Variants in GNAO1 observed in about 807,000 individuals in gnomAD.
The protein encoded by GNAO1 is G protein subunit alpha o1, also known as guanine nucleotide-binding protein G(o) subunit alpha.
For synonymous variants in GNAO1, 164 were observed against 180.7 expected (o/e 0.91, Z 0.74); for missense variants, 166 against 478.7 (o/e 0.35, Z 6.10).
chr16:56,238,833 G>A (rs1002933107), intron 2 of GNAO1, among the ~76,000 whole-genome samples: 3 of 152,208 alleles, frequency 2.0e-5, no homozygotes, highest in Admixed American at 6.5e-5. Flanking sequence ...TACTCAGAGC[G>A]AATCATAATT....
intron 3 of GNAO1, chr16:56,301,624 T>A (rs1194261157): frequency 6.6e-6 from 1 of 152,084 alleles, no homozygotes; most frequent in Non-Finnish European, 1.5e-5. Context: ...TTCAGTTGCA[T>A]TTTTTTTGTT....
intron 2 of GNAO1, among the ~76,000 whole-genome samples, chr16:56,236,398 T>G (rs1218677630): frequency 6.6e-6 from 1 of 152,128 alleles, no homozygotes. Flanking sequence ...ATCCATAGAA[T>G]TGACCCTGGG....
At chr16:56,278,457 G>A (rs1419577373) in intron 3 of GNAO1, among the ~76,000 whole-genome samples, 1 of 152,224 alleles carries the variant, frequency 6.6e-6, no homozygotes, top group Non-Finnish European at 1.5e-5. Context: ...GTTCCCGGGA[G>A]TGGGCTGGTG....
rs138502679 is a variant in GNAO1, at chr16:56,266,853, G to GTA, written c.162-9068_162-9067dup. 4.5e-3 allele frequency among the ~76,000 whole-genome samples: 678 copies of GTA among 152,158 alleles called. 1 individual carries two copies. Among genetic ancestry groups the GTA allele is most frequent in the African/African-American group, 0.015 (638 of 41,506 alleles). On this transcript the variant is annotated intron_variant, in intron 2 of 8. Coordinates refer to ENST00000262493, the MANE Select transcript of GNAO1 (RefSeq NM_020988.3). ...GTGCCCCACTCTTAACACGTGCTCA[G>GTA]TATATATATATTCATGGAGGGAATG...
intron 6 of GNAO1, chr16:56,346,353 G>T: frequency 1.0e-6 from 1 of 985,406 alleles, no homozygotes; most frequent in Non-Finnish European, 1.2e-6. Flanking sequence ...GTGGTCCTGC[G>T]TGTGCCCTGA....
chr16:56,324,986 G>C lies in GNAO1; in HGVS notation c.304-3645G>C, dbSNP rs79561681. Among the ~76,000 whole-genome samples, 1,427 of 152,300 alleles carry C rather than the reference G, an allele frequency of 9.4e-3. 20 individuals carry two copies. Among genetic ancestry groups the C allele is most frequent in the African/African-American group, 0.031 (1,299 of 41,562 alleles). On this transcript the variant is annotated intron_variant, in intron 3 of 8. Transcript: ENST00000262493. ...CACACTTCTTTTGTACAGACCTTTC[G>C]TTGGCGACAAAACTTCCAGATGCTG...
At chr16:56,241,126 A>G (rs2036690149) in intron 2 of GNAO1, among the ~76,000 whole-genome samples, 1 of 152,216 alleles carries the variant, frequency 6.6e-6, no homozygotes, top group African/African-American at 2.4e-5. Context: ...CGGAGCATGC[A>G]GTTCTTTGCC....
chr16:56,352,848 C>G (rs1291429188), intron 7 of GNAO1: 2 of 152,320 alleles, frequency 1.3e-5, no homozygotes, highest in Admixed American at 1.3e-4. Context: ...CAGCAAAGTC[C>G]CAATAGGGCA....
At chr16:56,314,233 TG>T (rs1480279259) in intron 3 of GNAO1, among the ~76,000 whole-genome samples, 1 of 152,222 alleles carries the variant, frequency 6.6e-6, no homozygotes, top group Admixed American at 6.5e-5. Context: ...CATTTTCACT[TG>T]AAAGCCAGAA....
intron 8 of GNAO1, 147 bp downstream of exon 8, chr16:56,355,228 C>T (rs1596883787): frequency 1.6e-5 from 3 of 187,076 alleles, no homozygotes; most frequent in Non-Finnish European, 3.0e-5. Flanking sequence ...TATATATATA[C>T]AAATATATAT....
chr16:56,205,561 T>A (rs1162032989), intron 2 of GNAO1, among the ~76,000 whole-genome samples: 1 of 152,220 alleles, frequency 6.6e-6, no homozygotes, highest in Non-Finnish European at 1.5e-5. Context: ...CTACTCTTAA[T>A]TCCCCATGTG....
intron 2 of GNAO1, among the ~76,000 whole-genome samples, chr16:56,257,283 CACTCCAG>C (rs1358502454): frequency 1.3e-5 from 2 of 152,204 alleles, no homozygotes; most frequent in African/African-American, 4.8e-5. Context: ...AGCCCTGGGG[CACTCCAG>C]TGTTTAGATA....
chr16:56,342,800 G>A (rs574451922), intron 6 of GNAO1, among the ~76,000 whole-genome samples: 1 of 152,318 alleles, frequency 6.6e-6, no homozygotes, highest in Admixed American at 6.5e-5. Flanking sequence ...CCCATGATAA[G>A]ATATAACATT....
chr16:56,201,688 A>G (rs1303850722), intron 2 of GNAO1, among the ~76,000 whole-genome samples: 4 of 152,212 alleles, frequency 2.6e-5, no homozygotes, highest in Non-Finnish European at 4.4e-5. Context: ...CAGTGGAATA[A>G]TTGAACTTAT....
At chr16:56,273,079 C>T (rs2037032651) in intron 2 of GNAO1, among the ~76,000 whole-genome samples, 1 of 152,190 alleles carries the variant, frequency 6.6e-6, no homozygotes, top group African/African-American at 2.4e-5. Context: ...ACTTTACTTT[C>T]AAATAATATT....
intron 2 of GNAO1, among the ~76,000 whole-genome samples, chr16:56,195,089 TTTTTC>T (rs1276956908): frequency 0.012 from 1,194 of 100,876 alleles, 19 homozygotes; most frequent in African/African-American, 0.043. Flanking sequence ...TTTTTTTTTT[TTTTTC>T]CAACCTTACA....
At chr16:56,344,327 G>T (rs1322774692) in intron 6 of GNAO1, 1 of 1,093,502 alleles carries the variant, frequency 9.1e-7, no homozygotes, top group Admixed American at 4.4e-5. Flanking sequence ...GTGCAGGGGC[G>T]CAGATGGCCC....
At chr16:56,277,528 A>C (rs1181038865) in intron 3 of GNAO1, among the ~76,000 whole-genome samples, 1 of 152,164 alleles carries the variant, frequency 6.6e-6, no homozygotes, top group African/African-American at 2.4e-5. Flanking sequence ...CTTAATAACA[A>C]TAGTAGGAAT....
At chr16:56,318,798 T>C (rs1390787398) in intron 3 of GNAO1, among the ~76,000 whole-genome samples, 3 of 152,258 alleles carry the variant, frequency 2.0e-5, no homozygotes, top group African/African-American at 4.8e-5. Context: ...TGTTTGTGTC[T>C]GAGGCATTTC....
Sources: allele counts gnomAD v4.1 joint callset (sites outside exome capture counted in the v4.1 genomes callset), GRCh38; gene constraint gnomAD v4.1.1; transcripts MANE v1.5; gene names NCBI Gene and HGNC (gene_info 2026-07-23, HGNC 2026-07-21).